The following EPHA5 variants were observed in gnomAD, a reference collection of about 807,000 sequenced individuals.
EPHA5 encodes ephrin type-A receptor 5.
Under a neutral mutation model 105.0 loss-of-function variants are expected in EPHA5, and 60 were observed. That is an observed-to-expected ratio of 0.57 (90% CI 0.46 to 0.71). The LOEUF is 0.71. EPHA5 is among the 30% of genes least tolerant of loss of function. The probability of loss-of-function intolerance (pLI) is 0.00; values close to 1 mark genes in which losing one functional copy is unlikely to be tolerated. For synonymous variants in EPHA5, 513 were observed against 449.1 expected (o/e 1.14, Z -1.80); for missense variants, 1,218 against 1,274.7 (o/e 0.96, Z 0.68).
At position 65,486,966 on chromosome 4, in the gene EPHA5, T is replaced by C. The variant is rs139076473; in HGVS notation, c.1402+3411A>G. 3.1e-3 allele frequency among the ~76,000 whole-genome samples: 472 copies of C among 152,170 alleles called. 2 individuals carry two copies. Among genetic ancestry groups the C allele is most frequent in the African/African-American group, 0.011 (453 of 41,510 alleles). ...TGATAGAGAGCAAGTTCTGAAGAGG[T>C]CTGGTTGTTTAAAGTGTGCAGCACC... On this transcript the variant is annotated intron_variant, in intron 5 of 16. Transcript: ENST00000613740.
chr4:65,443,062 C>G (rs1456773308), intron 5 of EPHA5, among the ~76,000 whole-genome samples: 1 of 152,040 alleles, frequency 6.6e-6, no homozygotes, highest in Non-Finnish European at 1.5e-5. Context: ...TGCTAGAAAC[C>G]TAAAACACCT....
intron 8 of EPHA5, among the ~76,000 whole-genome samples, chr4:65,372,548 G>A (rs1189028766): frequency 2.0e-5 from 3 of 151,846 alleles, no homozygotes; most frequent in South Asian, 4.1e-4. Context: ...GACAAAAAGG[G>A]CAACTAATCT....
chr4:65,622,226 A>T (rs986765224), intron 2 of EPHA5, among the ~76,000 whole-genome samples: 1 of 152,070 alleles, frequency 6.6e-6, no homozygotes, highest in Non-Finnish European at 1.5e-5. Flanking sequence ...TCCACAGTGA[A>T]CTGTAAACTT....
chr4:65,441,914 C>T (rs1726052134), intron 5 of EPHA5, among the ~76,000 whole-genome samples: 4 of 152,184 alleles, frequency 2.6e-5, no homozygotes, highest in Non-Finnish European at 5.9e-5. Flanking sequence ...TCTTTTTATT[C>T]TAACATTTAT....
chr4:65,629,357 C>T (rs1746427112), intron 2 of EPHA5, among the ~76,000 whole-genome samples: 1 of 151,954 alleles, frequency 6.6e-6, no homozygotes, highest in Non-Finnish European at 1.5e-5. Flanking sequence ...TGGATAGAGG[C>T]AGGAGTATAA....
chr4:65,367,296 C>G (rs1450140383), intron 9 of EPHA5, 61 bp downstream of exon 9: 2 of 1,386,764 alleles, frequency 1.4e-6, no homozygotes, highest in Non-Finnish European at 2.0e-6. Context: ...TGAAAAGAAA[C>G]TTAAATAACA....
At chr4:65,458,309 C>G (rs1727806258) in intron 5 of EPHA5, among the ~76,000 whole-genome samples, 2 of 152,020 alleles carry the variant, frequency 1.3e-5, no homozygotes, top group African/African-American at 2.4e-5. Flanking sequence ...TTGAAGCCCT[C>G]CAAAATCTTA....
intron 8 of EPHA5, among the ~76,000 whole-genome samples, chr4:65,390,632 C>T (rs751193672): frequency 2.0e-5 from 3 of 151,872 alleles, no homozygotes; most frequent in East Asian, 1.9e-4. Context: ...ATTCCAGTGC[C>T]GAATCTTGCA....
At chr4:65,420,135 T>TC (rs1723800286) in intron 6 of EPHA5, among the ~76,000 whole-genome samples, 1 of 152,188 alleles carries the variant, frequency 6.6e-6, no homozygotes, top group African/African-American at 2.4e-5. Flanking sequence ...CTACTGAAAG[T>TC]CTATAGCTTA....
At chr4:65,512,612 T>G (rs1212993559) in intron 3 of EPHA5, among the ~76,000 whole-genome samples, 1 of 152,114 alleles carries the variant, frequency 6.6e-6, no homozygotes, top group Non-Finnish European at 1.5e-5. Flanking sequence ...CTTCACGGTC[T>G]ACCATGATTG....
intron 11 of EPHA5, among the ~76,000 whole-genome samples, chr4:65,360,581 G>A (rs941428127): frequency 1.3e-5 from 2 of 151,462 alleles, no homozygotes; most frequent in African/African-American, 2.4e-5. Context: ...AGCTTATTGT[G>A]CAGATTAAAA....
chr4:65,558,538 C>G (rs1224937540), intron 3 of EPHA5, among the ~76,000 whole-genome samples: 1 of 151,986 alleles, frequency 6.6e-6, no homozygotes, highest in Non-Finnish European at 1.5e-5. Context: ...GAATTTATTG[C>G]AAATTAATTT....
intron 11 of EPHA5, among the ~76,000 whole-genome samples, chr4:65,359,277 CCACTT>C (rs1723594338): frequency 6.6e-6 from 1 of 151,542 alleles, no homozygotes; most frequent in South Asian, 2.1e-4. Flanking sequence ...GGTTCTGTCT[CCACTT>C]CAGTTTTAAA....
intron 3 of EPHA5, among the ~76,000 whole-genome samples, chr4:65,524,068 A>C (rs1735011721): frequency 6.6e-6 from 1 of 151,682 alleles, no homozygotes; most frequent in Non-Finnish European, 1.5e-5. Context: ...TAATGGCAAC[A>C]TTGCTTCACC....
At chr4:65,389,460 T>C (rs1392152162) in intron 8 of EPHA5, among the ~76,000 whole-genome samples, 1 of 152,088 alleles carries the variant, frequency 6.6e-6, no homozygotes, top group East Asian at 1.9e-4. Flanking sequence ...TTTCTCCATA[T>C]TTTGAAACAG....
intron 7 of EPHA5, among the ~76,000 whole-genome samples, chr4:65,405,752 G>C (rs551577482): frequency 6.6e-6 from 1 of 152,110 alleles, no homozygotes; most frequent in South Asian, 2.1e-4. Flanking sequence ...CTGACGCTAA[G>C]GTCTATGGTA....
intron 3 of EPHA5, among the ~76,000 whole-genome samples, chr4:65,550,278 G>T (rs2149338297): frequency 6.6e-6 from 1 of 152,046 alleles, no homozygotes; most frequent in South Asian, 2.1e-4. Context: ...TAGTGGAGGG[G>T]TGCCCATATT....
At chr4:65,606,092 C>A (rs560826835) in intron 2 of EPHA5, among the ~76,000 whole-genome samples, 2 of 152,308 alleles carry the variant, frequency 1.3e-5, no homozygotes, top group South Asian at 4.1e-4. Context: ...TGGATTTGTG[C>A]ATGGGATTCC....
intron 2 of EPHA5, among the ~76,000 whole-genome samples, chr4:65,606,202 C>T (rs1560764298): frequency 6.6e-6 from 1 of 152,158 alleles, no homozygotes; most frequent in Non-Finnish European, 1.5e-5. Context: ...AATACTCAAC[C>T]CCAATATGAG....
Sources: gnomAD v4.1 joint callset for allele counts (sites outside exome capture counted in the v4.1 genomes callset) on GRCh38, gnomAD v4.1.1 for gene constraint, MANE v1.5 for transcripts, NCBI Gene and HGNC (gene_info 2026-07-23, HGNC 2026-07-21) for gene names.